The following GRB14 variants were observed in gnomAD, a reference collection of about 807,000 sequenced individuals.
The protein encoded by GRB14 is growth factor receptor-bound protein 14.
In GRB14, 38 loss-of-function variants were observed where a neutral mutation model predicts 69.1. The observed-to-expected ratio is 0.55, with a 90% CI of 0.42 to 0.72. GRB14 has a LOEUF of 0.72. Ranked by LOEUF, GRB14 falls within the 30% of genes least tolerant of loss-of-function variation. The pLI is 0.00. For missense variants in GRB14, 666 were observed against 666.1 expected (o/e 1.00, Z 0.00); for synonymous variants, 247 against 241.3 (o/e 1.02, Z -0.22).
At chr2:164,577,009 TG>T (rs1320901441) in intron 2 of GRB14, among the ~76,000 whole-genome samples, 1 of 151,984 alleles carries the variant, frequency 6.6e-6, no homozygotes, top group African/African-American at 2.4e-5. Flanking sequence ...CCCAATTTTA[TG>T]CAAAAAAACA....
intron 9 of GRB14, among the ~76,000 whole-genome samples, chr2:164,498,653 G>A (rs977912357): frequency 6.6e-6 from 1 of 152,088 alleles, no homozygotes; most frequent in Non-Finnish European, 1.5e-5. Context: ...CTGCATCTGG[G>A]GCCCCCTGGC....
In GRB14 at chr2:164,520,511, C is replaced by T. The variant is rs552383730; in HGVS notation, c.816+1469G>A. 7.9e-5 allele frequency among the ~76,000 whole-genome samples: 12 copies of T among 152,004 alleles called. No homozygotes were observed. The South Asian group carries it at 2.5e-3, about 32-fold the overall frequency. On this transcript the variant is annotated intron_variant, in intron 6 of 13. Transcript: ENST00000263915. ...CAAAAATAAAGATAAATAGATAGGACTTAATTAAACTAAAAGCTTCTGCAC... is the reference window on the plus strand; with the variant it reads ...CAAAAATAAAGATAAATAGATAGGATTTAATTAAACTAAAAGCTTCTGCAC...
intron 6 of GRB14, among the ~76,000 whole-genome samples, chr2:164,512,508 G>A (rs1406011226): frequency 6.6e-6 from 1 of 152,168 alleles, no homozygotes; most frequent in African/African-American, 2.4e-5. Context: ...CTCCCAGATG[G>A]CATCTCTAGA....
At chr2:164,547,004 C>T (rs868559160) in intron 3 of GRB14, among the ~76,000 whole-genome samples, 6 of 151,966 alleles carry the variant, frequency 3.9e-5, no homozygotes, top group East Asian at 1.9e-4. Context: ...AGAGCCAAGG[C>T]GAACCTAGGT....
intron 2 of GRB14, among the ~76,000 whole-genome samples, chr2:164,599,643 C>G (rs1689868133): frequency 6.6e-6 from 1 of 152,110 alleles, no homozygotes; most frequent in Admixed American, 6.6e-5. Context: ...TGGGAAAATG[C>G]TACCTAAAAA....
chr2:164,621,054 G>T lies in GRB14; in HGVS notation c.191+65C>A. The stretch of plus-strand genomic sequence containing the variant: ...GGCACATGGCTCACCCCCTAGGACC[G>T]CCTCCTCACCCCCTCGCCGGCTGCC... On this transcript the variant is annotated intron_variant, in intron 1 of 13. Transcript: ENST00000263915. The surrounding 1 kb of genome is among the most constrained non-coding windows in gnomAD (Gnocchi z 6.0). 1 of 1,218,048 alleles carries T rather than the reference G, an allele frequency of 8.2e-7. No individual in the cohort carries two copies. Among genetic ancestry groups the T allele is most frequent in the Non-Finnish European group, 1.0e-6 (1 of 964,574 alleles). 75.5% of individuals were successfully genotyped at this position (1,218,048 alleles called of 1,614,324 possible).
Position 164,502,291 on chromosome 2 carries a change from A to G in GRB14, c.1068T>C (p.Gly356=), listed in dbSNP as rs1687077166. Residue 356 remains glycine, a synonymous_variant, in exon 9 of 14, where the codon GGT becomes GGC. Coordinates refer to ENST00000263915, the MANE Select transcript of GRB14 (RefSeq NM_004490.3). The part of the protein sequence containing the change: ...LYQNYMHPYQ[G]RSGCSSQSIS... ...TGCTCTGTGAACTGCAGCCACTTCTACCTTGATATGGATGCATATAATTCT... is the reference window on the plus strand; with the variant it reads ...TGCTCTGTGAACTGCAGCCACTTCTGCCTTGATATGGATGCATATAATTCT... 4.4e-6 allele frequency: 7 copies of G among 1,607,066 alleles called. No individual in the cohort carries two copies. The highest frequency in any genetic ancestry group is 1.7e-5 in the Admixed American group (1 of 59,920).
chr2:164,500,500 T>C (rs1050781474), intron 9 of GRB14, among the ~76,000 whole-genome samples: 3 of 152,150 alleles, frequency 2.0e-5, no homozygotes, highest in Admixed American at 2.0e-4. Context: ...CAAAGGCTGG[T>C]AAAGAGTACT....
At chr2:164,616,473 T>C (rs1409101281) in intron 2 of GRB14, among the ~76,000 whole-genome samples, 1 of 149,872 alleles carries the variant, frequency 6.7e-6, no homozygotes, top group Non-Finnish European at 1.5e-5. Flanking sequence ...TCTCTCACTC[T>C]AGCTTTCATT....
intron 2 of GRB14, among the ~76,000 whole-genome samples, chr2:164,561,210 G>A (rs771874084): frequency 1.2e-4 from 18 of 152,026 alleles, no homozygotes; most frequent in Non-Finnish European, 2.6e-4. Context: ...CAGTGGACAG[G>A]GGATCCTGGA....
chr2:164,505,815 T>A (rs1471710696), intron 8 of GRB14, among the ~76,000 whole-genome samples: 1 of 152,316 alleles, frequency 6.6e-6, no homozygotes, highest in Non-Finnish European at 1.5e-5. Context: ...GTAAGTGATA[T>A]GAAAGCATCA....
intron 2 of GRB14, among the ~76,000 whole-genome samples, chr2:164,548,687 A>C (rs558545067): frequency 6.6e-6 from 1 of 152,266 alleles, no homozygotes; most frequent in East Asian, 1.9e-4. Flanking sequence ...ACAGTGTACT[A>C]GCATTCCCTT....
intron 2 of GRB14, among the ~76,000 whole-genome samples, chr2:164,607,887 T>C (rs540809722): frequency 2.1e-4 from 32 of 152,294 alleles, no homozygotes; most frequent in African/African-American, 7.7e-4. Flanking sequence ...TCCAATTTTT[T>C]TCCTAAGATG....
intron 2 of GRB14, among the ~76,000 whole-genome samples, chr2:164,579,501 GCACACACACACACACACA>G (rs61305070): frequency 6.2e-5 from 9 of 145,006 alleles, no homozygotes; most frequent in African/African-American, 7.9e-5. Flanking sequence ...GGGCACACTT[GCACACACACACACACACA>G]CACACACACA....
chr2:164,502,038 C>CTT (rs1462934599), intron 9 of GRB14, among the ~76,000 whole-genome samples: 3 of 151,558 alleles, frequency 2.0e-5, no homozygotes, highest in Non-Finnish European at 4.4e-5. Flanking sequence ...TTATTAAATA[C>CTT]TTTATGTATA....
chr2:164,557,321 C>T (rs1688703746), intron 2 of GRB14, among the ~76,000 whole-genome samples: 1 of 152,180 alleles, frequency 6.6e-6, no homozygotes, highest in South Asian at 2.1e-4. Flanking sequence ...TGGTTTCCAT[C>T]AGTGCAAACT....
intron 2 of GRB14, among the ~76,000 whole-genome samples, chr2:164,590,108 G>C (rs779920191): frequency 6.6e-6 from 1 of 152,086 alleles, no homozygotes; most frequent in Non-Finnish European, 1.5e-5. Context: ...TGCAGGCAGT[G>C]GGAACCATAC....
At chr2:164,599,021 A>G (rs1480641431) in intron 2 of GRB14, among the ~76,000 whole-genome samples, 1 of 152,246 alleles carries the variant, frequency 6.6e-6, no homozygotes, top group Non-Finnish European at 1.5e-5. Flanking sequence ...ACATGGTGTC[A>G]GTGAAGGTCA....
At chr2:164,582,525 A>G (rs976141185) in intron 2 of GRB14, among the ~76,000 whole-genome samples, 6 of 151,554 alleles carry the variant, frequency 4.0e-5, no homozygotes, top group African/African-American at 1.5e-4. Flanking sequence ...AGGTTCAGGC[A>G]ATTCTCTGCC....
Sources: allele counts gnomAD v4.1 joint callset (sites outside exome capture counted in the v4.1 genomes callset), GRCh38; gene constraint gnomAD v4.1.1; non-coding constraint Gnocchi (gnomAD v3.1); transcripts MANE v1.5; gene names NCBI Gene and HGNC (gene_info 2026-07-23, HGNC 2026-07-21).